DMD: variants seen among roughly 807,000 people sequenced by gnomAD.
DMD encodes the protein dystrophin, also known as mutant dystrophin.
DMD carries 63 observed loss-of-function variants against 330.1 expected under a neutral mutation model. The ratio of observed to expected loss-of-function variants is 0.19; its 90% CI spans 0.16 to 0.24. DMD has a LOEUF of 0.24. DMD is among the 10% of genes least tolerant of loss of function. The pLI is 1.00. For synonymous variants in DMD, 1,223 were observed against 959.8 expected, an observed-to-expected ratio of 1.27 and a Z score of -5.07; for missense variants, 3,344 against 2,684.1, an observed-to-expected ratio of 1.25 and a Z score of -5.43.
intron 7 of DMD, among the ~76,000 whole-genome samples, chrX:32,785,138 A>T (rs2075238756): frequency 9.1e-6 from 1 of 109,620 alleles, no homozygotes; most frequent in Non-Finnish European, 1.9e-5. Context: ...GGTCAAATCA[A>T]CCCATTGGAA....
chrX:31,247,964 T>C (rs945312580), intron 63 of DMD, among the ~76,000 whole-genome samples: 1 of 111,383 alleles, frequency 9.0e-6, no homozygotes, highest in Admixed American at 9.5e-5. Context: ...GTCAACTGAG[T>C]GGCAGTCTTC....
At chrX:32,071,468 T>G (rs1460441389) in intron 44 of DMD, among the ~76,000 whole-genome samples, 1 of 82,563 alleles carries the variant, frequency 1.2e-5, no homozygotes, top group African/African-American at 4.9e-5. Flanking sequence ...TGAGAACACA[T>G]GGACACAGGA....
At chrX:32,276,005 C>T (rs2097385161) in intron 43 of DMD, among the ~76,000 whole-genome samples, 1 of 111,872 alleles carries the variant, frequency 8.9e-6, no homozygotes, top group African/African-American at 3.2e-5. Flanking sequence ...CAACACCACA[C>T]CTTCCCAATC....
chrX:31,559,640 C>CAAAAAAAAAAAAAAAAAAAAAAA (rs1167550498), intron 55 of DMD, among the ~76,000 whole-genome samples: 2 of 21,638 alleles, frequency 9.2e-5, no homozygotes, highest in South Asian at 3.4e-3. Flanking sequence ...AACTCCGTCT[C>CAAAAAAAAAAAAAAAAAAAAAAA]AAAAAAAAAA....
chrX:31,577,124 A>T (rs1329557209), intron 55 of DMD, among the ~76,000 whole-genome samples: 1 of 112,654 alleles, frequency 8.9e-6, no homozygotes, highest in African/African-American at 3.2e-5. Flanking sequence ...ATAAACAAAT[A>T]TCTGCTTCCT....
At chrX:32,905,805 G>C (rs939717741) in intron 2 of DMD, among the ~76,000 whole-genome samples, 16 of 111,088 alleles carry the variant, frequency 1.4e-4, no homozygotes, top group Non-Finnish European at 2.8e-4. Context: ...ATTATTACAT[G>C]TTTAGCAACA....
intron 68 of DMD, among the ~76,000 whole-genome samples, chrX:31,182,457 C>T (rs2041257601): frequency 9.0e-6 from 1 of 111,622 alleles, no homozygotes; most frequent in Non-Finnish European, 1.9e-5. Flanking sequence ...GTAATACCTC[C>T]GTGAAGACAC....
intron 1 of DMD, among the ~76,000 whole-genome samples, chrX:33,083,267 G>A (rs968258474): frequency 2.7e-5 from 3 of 112,127 alleles, no homozygotes; most frequent in Non-Finnish European, 5.6e-5. Flanking sequence ...TTCTTAATTT[G>A]CAAGATTCTG....
intron 52 of DMD, among the ~76,000 whole-genome samples, chrX:31,685,210 T>C (rs1178006700): frequency 9.3e-6 from 1 of 107,604 alleles, no homozygotes; most frequent in African/African-American, 3.3e-5. Flanking sequence ...AAGGGATTTT[T>C]GCCACCAATG....
chrX:31,408,906 C>T (rs751225475), intron 60 of DMD, among the ~76,000 whole-genome samples: 1 of 111,420 alleles, frequency 9.0e-6, no homozygotes, highest in South Asian at 3.8e-4. Context: ...TTTAGCGTTA[C>T]GTATATCTCC....
intron 2 of DMD, among the ~76,000 whole-genome samples, chrX:32,920,050 CAATT>C (rs758263017): frequency 9.0e-6 from 1 of 111,214 alleles, no homozygotes; most frequent in South Asian, 3.8e-4. Flanking sequence ...TCTTAGATCT[CAATT>C]AATTTAATTT....
At chrX:32,927,364 T>TTTC (rs1491285061) in intron 2 of DMD, among the ~76,000 whole-genome samples, 1 of 1,698 alleles carries the variant, frequency 5.9e-4, no homozygotes, top group Non-Finnish European at 1.1e-3. Flanking sequence ...TCTTTCTTTC[T>TTTC]TTTTTTTTTT....
chrX:32,993,685 T>TA (rs1402509532), intron 2 of DMD, among the ~76,000 whole-genome samples: 1 of 111,259 alleles, frequency 9.0e-6, no homozygotes, highest in East Asian at 2.8e-4. Context: ...CCACCTTTTA[T>TA]AAAACTTTTG....
intron 1 of DMD, among the ~76,000 whole-genome samples, chrX:33,278,326 C>T (rs1404357424): frequency 4.5e-5 from 5 of 110,553 alleles, no homozygotes; most frequent in African/African-American, 1.6e-4. Context: ...CAGCCTTTGC[C>T]CCTTCCTCCC....
chrX:32,636,603 G>A (rs939250409), intron 11 of DMD, among the ~76,000 whole-genome samples: 1 of 111,588 alleles, frequency 9.0e-6, no homozygotes, highest in Non-Finnish European at 1.9e-5. Context: ...ACTATCCGAG[G>A]CAACATTAAA....
chrX:32,057,107 G>A (rs908189574), intron 44 of DMD, among the ~76,000 whole-genome samples: 9 of 110,685 alleles, frequency 8.1e-5, no homozygotes, highest in African/African-American at 3.0e-4. Context: ...GGAATAGAAC[G>A]AAATTACCGC....
chrX:31,141,584 T>C (rs2036055102), intron 76 of DMD, among the ~76,000 whole-genome samples: 1 of 111,523 alleles, frequency 9.0e-6, no homozygotes, highest in Non-Finnish European at 1.9e-5. Flanking sequence ...TTTTCATAAG[T>C]AGCAAAACAC....
At chrX:32,465,687 G>A (rs1016422729) in intron 23 of DMD, among the ~76,000 whole-genome samples, 7 of 103,096 alleles carry the variant, frequency 6.8e-5, no homozygotes, top group African/African-American at 2.5e-4. Flanking sequence ...CCAGGTTCAC[G>A]CCATTCTCCT....
rs201288384 is a variant in DMD, at chrX:31,180,370, C to T, written c.10086G>A (p.Pro3362=). Residue 3362 remains proline (P), a splice_region_variant and synonymous_variant, in exon 69 of 79, where the codon CCG becomes CCA. Coordinates refer to ENST00000357033, the MANE Select transcript of DMD (RefSeq NM_004006.3). ...CACGTCAGGCTGGCGTCAAACTTAC[C>T]GGAGTGCAATATTCCACCATGGGAT... ...MHYPMVEYCT[P]TTSGEDVRDF... The T allele has an allele frequency of 5.1e-6, 6 of 1,181,636 alleles. No individual in the cohort carries two copies. The highest frequency in any genetic ancestry group is 6.9e-6 in the Non-Finnish European group (6 of 869,872).
Sources: allele counts gnomAD v4.1 joint callset (sites outside exome capture counted in the v4.1 genomes callset), GRCh38; gene constraint gnomAD v4.1.1; transcripts MANE v1.5; gene names NCBI Gene and HGNC (gene_info 2026-07-23, HGNC 2026-07-21).